Variants in SLC51B observed in about 807,000 individuals in gnomAD.
SLC51B encodes SLC51 subunit beta, also known as organic solute transporter subunit beta.
SLC51B carries 6 observed loss-of-function variants against 8.0 expected under a neutral mutation model. The observed-to-expected ratio is 0.75, with a 90% CI of 0.41 to 1.48. The LOEUF is 1.48. Among genes scored for constraint, SLC51B ranks in the 40% most tolerant of loss-of-function variants. The pLI is 0.01. For synonymous variants in SLC51B, 61 were observed against 54.8 expected (o/e 1.11, Z -0.50); for missense variants, 150 against 149.7 (o/e 1.00, Z -0.01).
In SLC51B at chr15:65,053,113, G is replaced by C. The variant is rs1308488490; in HGVS notation, c.336G>C (p.Glu112Asp). 1 of 1,614,188 alleles carries C rather than the reference G, an allele frequency of 6.2e-7. No homozygotes were observed. The highest frequency in any genetic ancestry group is 8.5e-7 in the Non-Finnish European group (1 of 1,180,044). ...NLAQVELELK[E>D]RDVLSVFLPD... is the part of the protein sequence containing the mutation. ...CCCAGGTGGAACTTGAGTTAAAAGA[G>C]AGAGATGTGCTGTCAGTTTTCCTTC... The change falls in exon 4 of 4, where the codon GAG (glutamate) becomes GAC (aspartate). Residue 112 changes from glutamate to aspartate, a missense_variant. Glu to Asp is a conservative substitution (Grantham distance 45). Transcript: ENST00000334287.
Position 65,053,169 on chromosome 15 carries a change from G to A in SLC51B, c.*5G>A, listed in dbSNP as rs865956343. On this transcript the variant is annotated 3_prime_UTR_variant, in exon 4 of 4. Transcript: ENST00000334287. The stretch of plus-strand genomic sequence containing the variant: ...GTACCAGAAACTGAGAGCTAGTGAG[G>A]GTTCAGAGAAGCCCCATCCTAAGCC... 1 of 1,613,538 alleles carries A rather than the reference G, an allele frequency of 6.2e-7. No homozygotes were observed. Among genetic ancestry groups the A allele is most frequent in the Non-Finnish European group, 8.5e-7 (1 of 1,180,004 alleles).
intron 1 of SLC51B, among the ~76,000 whole-genome samples, chr15:65,048,507 A>C (rs977262659): frequency 6.6e-6 from 1 of 152,172 alleles, no homozygotes; most frequent in Non-Finnish European, 1.5e-5. Flanking sequence ...TTGAGCACCT[A>C]AGGCAGTGAC....
chr15:65,048,196 A>G (rs149052056), intron 1 of SLC51B, among the ~76,000 whole-genome samples: 7 of 94 alleles, frequency 0.074, no homozygotes, highest in Admixed American at 0.1. Flanking sequence ...AAAAAAAAAG[A>G]AAAAAAAAAA....
intron 1 of SLC51B, chr15:65,049,398 C>T (rs937580523): frequency 2.6e-5 from 4 of 152,056 alleles, no homozygotes; most frequent in South Asian, 2.1e-4. Flanking sequence ...CATCAGGAGC[C>T]GGCAGCTGCC....
rs925616576 is a variant in SLC51B at position 65,053,191 on chromosome 15, A to T, written c.*27A>T. The stretch of plus-strand genomic sequence containing the variant: ...GAGGGTTCAGAGAAGCCCCATCCTA[A>T]GCCAGACACATGATGTGGGCTCAGC... On this transcript the variant is annotated 3_prime_UTR_variant, in exon 4 of 4. Coordinates refer to ENST00000334287, the MANE Select transcript of SLC51B (RefSeq NM_178859.4). The T allele has an allele frequency of 2.5e-6, 4 of 1,611,760 alleles. No homozygotes were observed. The highest frequency in any genetic ancestry group is 1.7e-6 in the Non-Finnish European group (2 of 1,179,530).
intron 1 of SLC51B, 95 bp from the exon 2 acceptor site, chr15:65,049,800 GTC>G: frequency 8.8e-6 from 3 of 340,674 alleles, no homozygotes; most frequent in East Asian, 5.2e-5. Flanking sequence ...GGTCGTTTTT[GTC>G]CCATAACTTT....
chr15:65,052,399 C>CTTTTTT (rs34021026), intron 3 of SLC51B, among the ~76,000 whole-genome samples: 1 of 76,346 alleles, frequency 1.3e-5, no homozygotes, highest in African/African-American at 5.0e-5. Context: ...GCATCCTTGG[C>CTTTTTT]TTTTTTTTTT....
chr15:65,050,932 C>T (rs925173855), intron 2 of SLC51B, among the ~76,000 whole-genome samples: 4 of 145,170 alleles, frequency 2.8e-5, no homozygotes, highest in African/African-American at 1.0e-4. Flanking sequence ...GCAAGCTCTG[C>T]CTCCTGGATT....
chr15:65,046,326 T>C (rs1016899637), intron 1 of SLC51B, among the ~76,000 whole-genome samples: 8 of 151,850 alleles, frequency 5.3e-5, no homozygotes, highest in Non-Finnish European at 1.2e-4. Context: ...CAAAATTAGC[T>C]GGGCATGGTG....
chr15:65,046,815 A>G (rs1403208651), intron 1 of SLC51B, among the ~76,000 whole-genome samples: 1 of 151,568 alleles, frequency 6.6e-6, no homozygotes, highest in Non-Finnish European at 1.5e-5. Flanking sequence ...CAGGAGGCTG[A>G]GGTGAGAGGA....
At chr15:65,050,619 T>C (rs1344565309) in intron 2 of SLC51B, among the ~76,000 whole-genome samples, 6 of 151,986 alleles carry the variant, frequency 3.9e-5, no homozygotes, top group Non-Finnish European at 1.5e-5. Flanking sequence ...AATAATTAGG[T>C]ATGCAAATTA....
At chr15:65,050,199 A>G in intron 2 of SLC51B, 98 bp downstream of exon 2, 1 of 939,866 alleles carries the variant, frequency 1.1e-6, no homozygotes, top group Non-Finnish European at 1.6e-6. Flanking sequence ...CCTCCAGGTC[A>G]GGCGGTACAT....
At chr15:65,046,814 G>A (rs994086052) in intron 1 of SLC51B, among the ~76,000 whole-genome samples, 5 of 151,904 alleles carry the variant, frequency 3.3e-5, no homozygotes, top group Admixed American at 1.3e-4. Flanking sequence ...TCAGGAGGCT[G>A]AGGTGAGAGG....
chr15:65,051,264 C>T (rs1566950939), intron 2 of SLC51B, among the ~76,000 whole-genome samples: 1 of 152,184 alleles, frequency 6.6e-6, no homozygotes, highest in Non-Finnish European at 1.5e-5. Context: ...ACCCCTGTTG[C>T]CCCACTATTA....
chr15:65,052,311 G>A (rs2086663507), intron 3 of SLC51B, among the ~76,000 whole-genome samples: 1 of 151,742 alleles, frequency 6.6e-6, no homozygotes, highest in African/African-American at 2.4e-5. Flanking sequence ...GACAGTCCAA[G>A]GTCAGAGACA....
chr15:65,051,569 G>T lies in SLC51B; in HGVS notation c.152G>T (p.Ser51Ile). Residue 51 changes from serine (S) to isoleucine (I), a missense_variant, in exon 3 of 4, where the codon AGC (serine) becomes ATC (isoleucine). Physicochemically the swap from Ser to Ile is moderately radical, Grantham distance 142. Coordinates refer to ENST00000334287, the MANE Select transcript of SLC51B (RefSeq NM_178859.4). ...LALAAVVVII[S>I]MVLLGRSIQA... is the part of the protein sequence containing the mutation. ...CTGGCAGCTGTGGTGGTCATTATAA[G>T]CATGGTCCTCCTGGGAAGAAGCATC... 6.2e-7 allele frequency: 1 copy of T among 1,613,674 alleles called. No individual in the cohort carries two copies. Among genetic ancestry groups the T allele is most frequent in the Non-Finnish European group, 8.5e-7 (1 of 1,179,774 alleles).
intron 3 of SLC51B, among the ~76,000 whole-genome samples, chr15:65,052,200 T>G (rs1373697678): frequency 6.6e-6 from 1 of 152,098 alleles, no homozygotes; most frequent in African/African-American, 2.4e-5. Flanking sequence ...TAGGCTGGTT[T>G]GGAGAAGGAA....
chr15:65,049,926 C>G lies in SLC51B; in HGVS notation c.-79C>G. 1 of 1,143,814 alleles carries G rather than the reference C, an allele frequency of 8.7e-7. No individual in the cohort carries two copies. The highest frequency in any genetic ancestry group is 1.2e-6 in the Non-Finnish European group (1 of 807,212). 70.9% of individuals were successfully genotyped at this position (1,143,814 alleles called of 1,614,324 possible). A position where few individuals can be genotyped will look rare whatever the true frequency, so the allele number is the denominator to read the frequency against. On this transcript the variant is annotated 5_prime_UTR_variant, in exon 2 of 4. Coordinates refer to ENST00000334287, the MANE Select transcript of SLC51B (RefSeq NM_178859.4). Reference sequence around the variant, plus strand: ...CTTCACGGCTTCTCTGCCCAGGGGCCAGAACCGAGGAGGCCAGGAGGGCTG... The same window carrying G: ...CTTCACGGCTTCTCTGCCCAGGGGCGAGAACCGAGGAGGCCAGGAGGGCTG...
In SLC51B at chr15:65,049,912, C is replaced by T. The variant is rs944511685; in HGVS notation, c.-93C>T. ...TTGTTTCCAGGGGTCTTCACGGCTT[C>T]TCTGCCCAGGGGCCAGAACCGAGGA... On this transcript the variant is annotated 5_prime_UTR_variant, in exon 2 of 4. Transcript: ENST00000334287. 56 of 908,786 alleles carry T rather than the reference C, an allele frequency of 6.2e-5. No individual in the cohort carries two copies. 56.3% of individuals were successfully genotyped at this position (908,786 alleles called of 1,614,324 possible).
Sources: allele counts gnomAD v4.1 joint callset (sites outside exome capture counted in the v4.1 genomes callset), GRCh38; gene constraint gnomAD v4.1.1; transcripts MANE v1.5; gene names NCBI Gene and HGNC (gene_info 2026-07-23, HGNC 2026-07-21).